CAPN14: variants seen among roughly 807,000 people sequenced by gnomAD.
The protein encoded by CAPN14 is calpain 14.
In CAPN14, 94 loss-of-function variants were observed where a neutral mutation model predicts 101.3. That is an observed-to-expected ratio of 0.93 (90% CI 0.79 to 1.10). The LOEUF (loss-of-function observed/expected upper bound fraction) is 1.10. Among genes scored for constraint, CAPN14 ranks in the 50% least tolerant of loss-of-function variants. The probability of loss-of-function intolerance (pLI) is 0.00; values close to 1 mark genes in which losing one functional copy is unlikely to be tolerated. For missense variants in CAPN14, 837 were observed against 828.4 expected (o/e 1.01, Z -0.13); for synonymous variants, 338 against 317.9 (o/e 1.06, Z -0.67).
chr2:31,196,710 T>C (rs1377477067), intron 8 of CAPN14, among the ~76,000 whole-genome samples: 2 of 152,182 alleles, frequency 1.3e-5, no homozygotes, highest in Non-Finnish European at 2.9e-5. Context: ...GGGCTGCCAT[T>C]AGGCAGAAAC....
At chr2:31,225,508 GAAAAT>G (rs1306738598) in intron 2 of CAPN14, among the ~76,000 whole-genome samples, 2 of 151,736 alleles carry the variant, frequency 1.3e-5, no homozygotes, top group African/African-American at 4.8e-5. Context: ...TATATACAAA[GAAAAT>G]AAAACCATGG....
At chr2:31,233,273 C>G (rs555105903) in intron 1 of CAPN14, among the ~76,000 whole-genome samples, 3 of 152,174 alleles carry the variant, frequency 2.0e-5, no homozygotes, top group African/African-American at 2.4e-5. Flanking sequence ...CTTCCTAAAC[C>G]CTACACTCCA....
At chr2:31,189,034 T>C (rs553335255) in intron 13 of CAPN14, among the ~76,000 whole-genome samples, 211 of 152,314 alleles carry the variant, frequency 1.4e-3, no homozygotes, top group Non-Finnish European at 2.7e-3. Context: ...GCAGAAGCTA[T>C]GTGTGTTTTA....
chr2:31,201,995 A>C lies in CAPN14; in HGVS notation c.418T>G (p.Trp140Gly), dbSNP rs1490737249. The change falls in exon 5 of 22, where the codon TGG becomes GGG. Residue 140 changes from tryptophan (W) to glycine (G), a missense_variant. Physicochemically the swap from Trp to Gly is radical, Grantham distance 184. Coordinates refer to ENST00000403897, the MANE Select transcript of CAPN14 (RefSeq NM_001145122.2). ...ACAGGAACCCAGTTCCCATAGTGCC[A>C]GAACTGGAGGGAGAGAGTGGCCCCG... ...KYAGIFRFWF[W>G]HYGNWVPVVI... is the part of the protein sequence containing the mutation. The C allele has an allele frequency of 6.4e-7, 1 of 1,551,558 alleles. No homozygotes were observed. Among genetic ancestry groups the C allele is most frequent in the Non-Finnish European group, 8.7e-7 (1 of 1,146,960 alleles).
chr2:31,207,764 T>G (rs879539402), intron 1 of CAPN14, among the ~76,000 whole-genome samples: 7 of 152,082 alleles, frequency 4.6e-5, no homozygotes, highest in Non-Finnish European at 1.0e-4. Flanking sequence ...AGACTCTGTC[T>G]CAAAAAAGAA....
chr2:31,177,888 T>A, intron 18 of CAPN14, 67 bp from the exon 19 acceptor site: 1 of 1,192,454 alleles, frequency 8.4e-7, no homozygotes, highest in Non-Finnish European at 1.2e-6. Flanking sequence ...GAGCCCTGTG[T>A]GCCCCTTGTC....
chr2:31,187,282 A>G (rs577205012), intron 15 of CAPN14, among the ~76,000 whole-genome samples: 1 of 152,228 alleles, frequency 6.6e-6, no homozygotes, highest in South Asian at 2.1e-4. Context: ...AAGCCACAGA[A>G]ACCAAGCGTG....
chr2:31,214,778 G>A (rs1682560406), intron 1 of CAPN14, among the ~76,000 whole-genome samples: 2 of 152,214 alleles, frequency 1.3e-5, no homozygotes, highest in South Asian at 4.1e-4. Context: ...CCTGGACACA[G>A]CTTTCCCTGA....
chr2:31,177,802 T>C lies in CAPN14; in HGVS notation c.1799A>G (p.Asp600Gly). The change falls in exon 19 of 22, where the codon GAC (aspartate) becomes GGC (glycine). Residue 600 changes from aspartate (D) to glycine (G), a missense_variant. By Grantham distance (94) the Asp-to-Gly change is moderately conservative (BLOSUM62 -1). Coordinates refer to ENST00000403897, the MANE Select transcript of CAPN14 (RefSeq NM_001145122.2). ...KLSQKVFHKQ[D>G]RGSGYLNWEQ... The stretch of plus-strand genomic sequence containing the variant: ...CCAGTTCAGGTATCCTGACCCACGG[T>C]CTTGCTTGTGGAAAACCTTCTGCAA... 1.3e-6 allele frequency: 2 copies of C among 1,551,976 alleles called. No individual in the cohort carries two copies. Among genetic ancestry groups the C allele is most frequent in the Non-Finnish European group, 1.7e-6 (2 of 1,147,034 alleles).
At chr2:31,181,599 G>A (rs967355138) in intron 16 of CAPN14, among the ~76,000 whole-genome samples, 1 of 146,614 alleles carries the variant, frequency 6.8e-6, no homozygotes, top group East Asian at 2.0e-4. Flanking sequence ...GTATACATGT[G>A]CCATGCTGGT....
chr2:31,207,597 G>A (rs1211156146), intron 1 of CAPN14, among the ~76,000 whole-genome samples: 4 of 152,070 alleles, frequency 2.6e-5, no homozygotes, highest in East Asian at 1.9e-4. Context: ...GCAAAACTTC[G>A]TCTACATAAA....
intron 8 of CAPN14, among the ~76,000 whole-genome samples, chr2:31,195,088 G>A (rs1211403058): frequency 2.0e-5 from 3 of 152,174 alleles, no homozygotes; most frequent in Non-Finnish European, 2.9e-5. Context: ...GTCTGGCTGA[G>A]TGGAGGAGAC....
In CAPN14 at chr2:31,173,378, A is replaced by G. The variant is rs1046919272; in HGVS notation, c.*1303T>C. 8 of 152,204 alleles carry G rather than the reference A, an allele frequency of 5.3e-5. No homozygotes were observed. Among genetic ancestry groups the G allele is most frequent in the African/African-American group, 1.9e-4 (8 of 41,452 alleles). 9.4% of individuals were successfully genotyped at this position (152,204 alleles called of 1,614,324 possible). A position where few individuals can be genotyped will look rare whatever the true frequency, so the allele number is the denominator to read the frequency against. ...CTCAAATCTCCTTTAGTCCTCTGCC[A>G]ATGGACACACTTTTATCTCTTCATT... On this transcript the variant is annotated 3_prime_UTR_variant, in exon 22 of 22. Transcript: ENST00000403897.
At chr2:31,200,350 G>C (rs765230657) in intron 6 of CAPN14, 101 bp downstream of exon 6, 8 of 1,089,418 alleles carry the variant, frequency 7.3e-6, no homozygotes, top group Admixed American at 2.6e-5. Flanking sequence ...TAGGAGCTGG[G>C]TGGAGGCCCT....
intron 1 of CAPN14, among the ~76,000 whole-genome samples, chr2:31,229,270 G>C (rs1305632683): frequency 6.6e-6 from 1 of 152,112 alleles, no homozygotes; most frequent in Admixed American, 6.5e-5. Context: ...TCCTTGGTTT[G>C]AATGATAGGT....
intron 17 of CAPN14, among the ~76,000 whole-genome samples, chr2:31,179,246 A>T (rs1166412493): frequency 2.0e-5 from 3 of 151,636 alleles, no homozygotes; most frequent in Admixed American, 6.6e-5. Context: ...GACAGGTCCC[A>T]GGGTGTGATG....
intron 1 of CAPN14, among the ~76,000 whole-genome samples, chr2:31,210,815 C>G (rs1253801807): frequency 6.6e-6 from 1 of 152,068 alleles, no homozygotes; most frequent in Non-Finnish European, 1.5e-5. Flanking sequence ...TTGCCTTTGC[C>G]AATAAGTTGA....
At chr2:31,202,913 C>T (rs909421638) in intron 3 of CAPN14, among the ~76,000 whole-genome samples, 157 bp downstream of exon 3, 1 of 152,200 alleles carries the variant, frequency 6.6e-6, no homozygotes, top group African/African-American at 2.4e-5. Context: ...CGGCAAAGAA[C>T]AGAACATGTC....
chr2:31,173,803 A>C lies in CAPN14; in HGVS notation c.*878T>G, dbSNP rs917750884. The C allele has an allele frequency of 2.6e-5, 4 of 152,180 alleles. No homozygotes were observed. Among genetic ancestry groups the C allele is most frequent in the African/African-American group, 9.7e-5 (4 of 41,438 alleles). 9.4% of individuals were successfully genotyped at this position (152,180 alleles called of 1,614,324 possible). A position where few individuals can be genotyped will look rare whatever the true frequency, so the allele number is the denominator to read the frequency against. On this transcript the variant is annotated 3_prime_UTR_variant, in exon 22 of 22. Transcript: ENST00000403897. The stretch of plus-strand genomic sequence containing the variant: ...TTTTGCACCTGTATTCTTGGTTGAG[A>C]GGGATGACATAAACAAGGTGTTTCA...
Sources: allele counts gnomAD v4.1 joint callset (sites outside exome capture counted in the v4.1 genomes callset), GRCh38; gene constraint gnomAD v4.1.1; transcripts MANE v1.5; gene names NCBI Gene and HGNC (gene_info 2026-07-23, HGNC 2026-07-21).